Variants in TRAF6 observed in about 807,000 individuals in gnomAD.
TRAF6 encodes the protein TNF receptor associated factor 6.
Under a neutral mutation model 48.4 loss-of-function variants are expected in TRAF6, and 10 were observed. That is an observed-to-expected ratio of 0.21 (90% CI 0.13 to 0.35). The LOEUF is 0.35. Among genes scored for constraint, TRAF6 ranks in the 10% least tolerant of loss-of-function variants. TRAF6 has a pLI of 1.00. For synonymous variants in TRAF6, 186 were observed against 219.6 expected (o/e 0.85, Z 1.35); for missense variants, 397 against 661.0 (o/e 0.60, Z 4.38).
intron 1 of TRAF6, among the ~76,000 whole-genome samples, chr11:36,502,067 T>C (rs954819465): frequency 6.6e-6 from 1 of 152,170 alleles, no homozygotes; most frequent in African/African-American, 2.4e-5. Context: ...AGCAGCTCAG[T>C]GCCAGGAAAA....
intron 5 of TRAF6, 152 bp downstream of exon 5, chr11:36,494,824 T>A: frequency 2.5e-6 from 1 of 406,258 alleles, no homozygotes; most frequent in Non-Finnish European, 4.4e-6. Flanking sequence ...TATTTATTAC[T>A]TATATTAATT....
chr11:36,505,857 G>A (rs984506749), intron 1 of TRAF6, among the ~76,000 whole-genome samples: 2 of 152,106 alleles, frequency 1.3e-5, no homozygotes, highest in Non-Finnish European at 2.9e-5. Context: ...TGAGGAGAGG[G>A]ACAGTAAGGG....
rs1489519146 is a variant in TRAF6 at position 36,485,059 on chromosome 11, A to C, written c.*4779T>G. Among the ~76,000 whole-genome samples the C allele has an allele frequency of 6.7e-6, 1 of 149,758 alleles. No individual in the cohort carries two copies. The highest frequency in any genetic ancestry group is 6.6e-5 in the Admixed American group (1 of 15,144). On this transcript the variant is annotated 3_prime_UTR_variant, in exon 7 of 7. Coordinates refer to ENST00000526995, the MANE Select transcript of TRAF6 (RefSeq NM_004620.4). ...TTAGAATATTTTGTTTAGAGAAACC[A>C]AACTTGAAGTCTCATTAAAAGTAAC...
Position 36,484,024 on chromosome 11 carries a change from A to G in TRAF6, c.*5814T>C, listed in dbSNP as rs1859446358. 6.6e-6 allele frequency among the ~76,000 whole-genome samples: 1 copy of G among 152,216 alleles called. No homozygotes were observed. Among genetic ancestry groups the G allele is most frequent in the South Asian group, 2.1e-4 (1 of 4,830 alleles). On this transcript the variant is annotated 3_prime_UTR_variant, in exon 7 of 7. Transcript: ENST00000526995. ...AGATAAGTGTGAATCCACATTCACA[A>G]CCTGGGTTGAGAAAGGTCACACTTC...
Position 36,501,529 on chromosome 11 carries a change from T to C in TRAF6, c.-14A>G. 1.9e-6 allele frequency: 3 copies of C among 1,578,598 alleles called. No individual in the cohort carries two copies. Among genetic ancestry groups the C allele is most frequent in the Non-Finnish European group, 2.6e-6 (3 of 1,160,522 alleles). ...TAGCAGACTCATAGTAACTTGATTA[T>C]CACTTGCTCTGTAGAAATAGCAAGA... On this transcript the variant is annotated 5_prime_UTR_variant, in exon 2 of 7. Transcript: ENST00000526995.
chr11:36,504,744 T>C (rs1346232424), intron 1 of TRAF6, among the ~76,000 whole-genome samples: 4 of 152,226 alleles, frequency 2.6e-5, no homozygotes. Context: ...TCATTCTCTA[T>C]GGCAGCTATA....
At chr11:36,501,563 C>T (rs1399105933) in intron 1 of TRAF6, 26 bp from the exon 2 acceptor site, 4 of 1,514,780 alleles carry the variant, frequency 2.6e-6, no homozygotes, top group South Asian at 1.3e-5. Context: ...GAAAAAAATG[C>T]CTTTATAAGT....
intron 4 of TRAF6, 45 bp from the exon 5 acceptor site, chr11:36,495,092 A>G: frequency 7.0e-7 from 1 of 1,431,098 alleles, no homozygotes; most frequent in Non-Finnish European, 9.7e-7. Context: ...AGAATATCTG[A>G]AAAAGTGAAA....
At position 36,484,110 on chromosome 11, in the gene TRAF6, C is replaced by G. The variant is rs1471283967; in HGVS notation, c.*5728G>C. Among the ~76,000 whole-genome samples the G allele has an allele frequency of 6.6e-6, 1 of 152,184 alleles. No individual in the cohort carries two copies. The highest frequency in any genetic ancestry group is 1.9e-4 in the East Asian group (1 of 5,192). ...CAGCCCAGCAATTCAGTTGTATTGACCTGATGGAGGCCATCCGAGGTTTCA... is the reference window on the plus strand; with the variant it reads ...CAGCCCAGCAATTCAGTTGTATTGAGCTGATGGAGGCCATCCGAGGTTTCA... On this transcript the variant is annotated 3_prime_UTR_variant, in exon 7 of 7. Coordinates refer to ENST00000526995, the MANE Select transcript of TRAF6 (RefSeq NM_004620.4).
At chr11:36,501,999 CT>C (rs1859724108) in intron 1 of TRAF6, among the ~76,000 whole-genome samples, 1 of 152,200 alleles carries the variant, frequency 6.6e-6, no homozygotes, top group Non-Finnish European at 1.5e-5. Context: ...CGCTAAAGAA[CT>C]TATCCATGTT....
At chr11:36,494,854 C>G (rs943429259) in intron 5 of TRAF6, 122 bp downstream of exon 5, 6 of 539,282 alleles carry the variant, frequency 1.1e-5, no homozygotes, top group African/African-American at 8.0e-5. Flanking sequence ...AATTTTCACA[C>G]AGCTCTAATA....
chr11:36,490,374 C>T lies in TRAF6; in HGVS notation c.1033G>A (p.Glu345Lys). The T allele has an allele frequency of 1.2e-6, 2 of 1,614,118 alleles. No individual in the cohort carries two copies. The highest frequency in any genetic ancestry group is 2.2e-5 in the South Asian group (2 of 91,078). ...RTLEDKVAEI[E>K]AQQCNGIYIW... is the part of the protein sequence containing the mutation. ...TAAATTCCATTGCACTGCTGTGCTT[C>T]GATTTCAGCAACTTTGTCCTCAAGG... The change falls in exon 7 of 7, where the codon GAA becomes AAA. Residue 345 changes from glutamate to lysine, a missense_variant. Coordinates refer to ENST00000526995, the MANE Select transcript of TRAF6 (RefSeq NM_004620.4). This position sits in a 1 kb window ranked among gnomAD's most constrained non-coding sequence, Gnocchi z 6.4.
intron 4 of TRAF6, among the ~76,000 whole-genome samples, chr11:36,496,757 A>C (rs1486411762): frequency 6.6e-6 from 1 of 152,140 alleles, no homozygotes; most frequent in African/African-American, 2.4e-5. Flanking sequence ...TTTTGTGTAG[A>C]TCTTATCTTA....
At chr11:36,497,832 C>T (rs1425251596) in intron 3 of TRAF6, among the ~76,000 whole-genome samples, 1 of 150,868 alleles carries the variant, frequency 6.6e-6, no homozygotes, top group Non-Finnish European at 1.5e-5. Context: ...GGAATTACTG[C>T]TTATTTCAAA....
At chr11:36,505,324 T>A (rs1201138385) in intron 1 of TRAF6, among the ~76,000 whole-genome samples, 1 of 152,252 alleles carries the variant, frequency 6.6e-6, no homozygotes, top group African/African-American at 2.4e-5. Flanking sequence ...TTCTAGATAA[T>A]GTGCTGTAGT....
chr11:36,503,753 G>A (rs997308474), intron 1 of TRAF6, among the ~76,000 whole-genome samples: 6 of 152,096 alleles, frequency 3.9e-5, no homozygotes, highest in East Asian at 1.9e-4. Flanking sequence ...CGTAAAATAC[G>A]GTATAGGGCC....
rs538112257 is a variant in TRAF6, at chr11:36,485,334, G to A, written c.*4504C>T. ...TATTACGTATTTGAGTGTGTGCAACGTGCCAGGCACTGTGGTAAGAAGAGG... is the reference window on the plus strand; with the variant it reads ...TATTACGTATTTGAGTGTGTGCAACATGCCAGGCACTGTGGTAAGAAGAGG... On this transcript the variant is annotated 3_prime_UTR_variant, in exon 7 of 7. Transcript: ENST00000526995. 3.3e-5 allele frequency among the ~76,000 whole-genome samples: 5 copies of A among 152,256 alleles called. No homozygotes were observed. The highest frequency in any genetic ancestry group is 3.9e-4 in the East Asian group (2 of 5,184).
intron 4 of TRAF6, chr11:36,496,256 G>C (rs1228067241): frequency 6.6e-6 from 1 of 152,068 alleles, no homozygotes; most frequent in African/African-American, 2.4e-5. Flanking sequence ...TCATGATGCT[G>C]TTAGGCACTA....
chr11:36,491,094 CA>C (rs1859556827), intron 6 of TRAF6, among the ~76,000 whole-genome samples: 1 of 152,024 alleles, frequency 6.6e-6, no homozygotes, highest in Admixed American at 6.5e-5. Context: ...TCTTTCCCAT[CA>C]AAAAAGGACA....
Sources: gnomAD v4.1 joint callset for allele counts (sites outside exome capture counted in the v4.1 genomes callset) on GRCh38, gnomAD v4.1.1 for gene constraint, Gnocchi (gnomAD v3.1) non-coding constraint, MANE v1.5 for transcripts, NCBI Gene and HGNC (gene_info 2026-07-23, HGNC 2026-07-21) for gene names.